Variants in MGST1 observed in about 807,000 individuals in gnomAD.
MGST1 encodes microsomal glutathione S-transferase 1.
In MGST1, 5 loss-of-function variants were observed where a neutral mutation model predicts 8.9. The ratio of observed to expected loss-of-function variants is 0.56; its 90% CI spans 0.29 to 1.19. The LOEUF (loss-of-function observed/expected upper bound fraction) is 1.19, where lower values mean the gene tolerates loss of function less well. Ranked by LOEUF, MGST1 falls within the 50% of genes most tolerant of loss-of-function variation. The pLI is 0.08. For missense variants in MGST1, 182 were observed against 187.4 expected (o/e 0.97, Z 0.17); for synonymous variants, 54 against 67.8 (o/e 0.80, Z 1.00).
chr12:16,435,317 C>T (rs970079426), intron 1 of MGST1, among the ~76,000 whole-genome samples: 1 of 151,738 alleles, frequency 6.6e-6, no homozygotes, highest in Admixed American at 6.6e-5. Context: ...CACAATTTTC[C>T]TAGATTTCTA....
chr12:16,399,698 A>G (rs1286049423), intron 1 of MGST1: 4 of 1,313,828 alleles, frequency 3.0e-6, no homozygotes, highest in African/African-American at 1.5e-5. Flanking sequence ...CCTCAGGGTC[A>G]TCAACAATGG....
In MGST1 at chr12:16,501,589, C is replaced by T. The variant is rs142879535; in HGVS notation, n.483-87939C>T. ...TTTGCTATTTCTGGAATGACTGCTA[C>T]GTACTCAATTATGAAACATCTCTAG... On this transcript the variant is annotated intron_variant and non_coding_transcript_variant, in intron 4 of 4. Coordinates refer to the MGST1 transcript ENST00000538857. 4.7e-3 allele frequency among the ~76,000 whole-genome samples: 723 copies of T among 152,262 alleles called. 6 individuals are homozygous for T. The highest frequency in any genetic ancestry group is 0.016 in the African/African-American group (682 of 41,558).
chr12:16,521,451 A>G (rs1350398393), intron 4 of MGST1, among the ~76,000 whole-genome samples: 1 of 152,166 alleles, frequency 6.6e-6, no homozygotes, highest in African/African-American at 2.4e-5. Context: ...TGCCAAAAAT[A>G]AGACCTTATT....
chr12:16,538,574 G>T (rs1426071554), intron 4 of MGST1, among the ~76,000 whole-genome samples: 1 of 151,556 alleles, frequency 6.6e-6, no homozygotes, highest in Non-Finnish European at 1.5e-5. Context: ...GGCTGGGGAG[G>T]CTTCAGAATC....
At chr12:16,459,188 C>T (rs1053672169) in intron 4 of MGST1, among the ~76,000 whole-genome samples, 1 of 152,100 alleles carries the variant, frequency 6.6e-6, no homozygotes, top group Non-Finnish European at 1.5e-5. Context: ...TTCCTTTCTA[C>T]TTCCTAATAG....
At chr12:16,526,156 C>T (rs1327350683) in intron 4 of MGST1, among the ~76,000 whole-genome samples, 1 of 149,862 alleles carries the variant, frequency 6.7e-6, no homozygotes, top group Non-Finnish European at 1.5e-5. Flanking sequence ...TAATTAGATC[C>T]CATTTGTCAA....
intron 4 of MGST1, among the ~76,000 whole-genome samples, chr12:16,498,377 C>G (rs1941483376): frequency 6.6e-6 from 1 of 152,120 alleles, no homozygotes; most frequent in Admixed American, 6.6e-5. Context: ...GCAGCACAGA[C>G]AGAAGAACAT....
At chr12:16,443,296 T>G (rs1941053037), downstream of MGST1, among the ~76,000 whole-genome samples, 1 of 151,862 alleles carries the variant, frequency 6.6e-6, no homozygotes, top group African/African-American at 2.4e-5. Context: ...TTAAAATATA[T>G]CTAAATCTTG....
intron 1 of MGST1, among the ~76,000 whole-genome samples, chr12:16,392,976 C>A (rs998020143): frequency 6.6e-6 from 1 of 152,072 alleles, no homozygotes; most frequent in African/African-American, 2.4e-5. Context: ...GAAATGCACT[C>A]CCAGCTCAAG....
chr12:16,456,408 C>T (rs987578510), intron 4 of MGST1, among the ~76,000 whole-genome samples: 20 of 151,846 alleles, frequency 1.3e-4, no homozygotes, highest in African/African-American at 4.1e-4. Flanking sequence ...TTTGAAAAAA[C>T]GTTTTAAATC....
chr12:16,364,214 G>A lies in MGST1; in HGVS notation c.*173G>A, dbSNP rs1243705271. On this transcript the variant is annotated 3_prime_UTR_variant, in exon 4 of 4. Transcript: ENST00000396210. This position sits in a 1 kb window ranked among gnomAD's most constrained non-coding sequence, Gnocchi z 5.7. ...TATCCTGTATTCTTGTTTTACATTT[G>A]GATTAGAAATTTAACATAGTAATTC... 1.6e-6 allele frequency: 2 copies of A among 1,275,820 alleles called. No homozygotes were observed. The highest frequency in any genetic ancestry group is 2.9e-5 in the East Asian group (1 of 34,806). The allele number at this position is 1,275,820 out of a possible 1,614,324, so 79.0% of individuals were successfully genotyped here. A position where few individuals can be genotyped will look rare whatever the true frequency, so the allele number is the denominator to read the frequency against.
intron 4 of MGST1, among the ~76,000 whole-genome samples, chr12:16,479,187 T>C (rs981583840): frequency 1.3e-5 from 2 of 150,700 alleles, no homozygotes; most frequent in African/African-American, 4.9e-5. Flanking sequence ...CTTGATAATA[T>C]TCCATTGTGT....
Position 16,547,699 on chromosome 12 carries a change from C to G in MGST1, n.483-41829C>G, listed in dbSNP as rs1941843144. Among the ~76,000 whole-genome samples the G allele has an allele frequency of 6.6e-6, 1 of 152,100 alleles. No homozygotes were observed. On this transcript the variant is annotated intron_variant and non_coding_transcript_variant, in intron 4 of 4. Coordinates refer to the MGST1 transcript ENST00000538857. This position sits in a 1 kb window ranked among gnomAD's most constrained non-coding sequence, Gnocchi z 4.6. Reference sequence around the variant, plus strand: ...ATTACCTTAAATTACATTAAAACCACATTTAAAAAATATAACAATGTTTTT... The same window carrying G: ...ATTACCTTAAATTACATTAAAACCAGATTTAAAAAATATAACAATGTTTTT...
intron 4 of MGST1, among the ~76,000 whole-genome samples, chr12:16,464,284 T>G (rs1684096648): frequency 6.6e-6 from 1 of 152,220 alleles, no homozygotes. Context: ...TATCTAATGC[T>G]GCAGACAGGC....
chr12:16,383,967 C>G (rs1940480915), intron 1 of MGST1, among the ~76,000 whole-genome samples: 1 of 151,800 alleles, frequency 6.6e-6, no homozygotes, highest in Non-Finnish European at 1.5e-5. Flanking sequence ...ACTTTATTAC[C>G]AAAGGGAAGA....
chr12:16,566,942 CAT>C lies in MGST1; in HGVS notation n.483-22575_483-22574del, dbSNP rs753206020. Among the ~76,000 whole-genome samples, 19 of 151,898 alleles carry C rather than the reference CAT, an allele frequency of 1.3e-4. 1 individual carries two copies. The highest frequency in any genetic ancestry group is 1.2e-3 in the Admixed American group (18 of 15,226). On this transcript the variant is annotated intron_variant and non_coding_transcript_variant, in intron 4 of 4. Transcript: ENST00000538857. ...CTACCAAAAGCCCATGCTACATAGT[CAT>C]ATATATATATGTTAAAAACTACAAC... is the stretch of plus-strand genomic sequence containing the variant.
intron 4 of MGST1, among the ~76,000 whole-genome samples, chr12:16,453,910 T>A (rs1245811323): frequency 6.6e-6 from 1 of 152,002 alleles, no homozygotes; most frequent in East Asian, 1.9e-4. Context: ...ACAAGCCATA[T>A]TTCCAAATAA....
chr12:16,572,233 C>T (rs1942837193), intron 4 of MGST1, among the ~76,000 whole-genome samples: 1 of 151,534 alleles, frequency 6.6e-6, no homozygotes, highest in African/African-American at 2.4e-5. Flanking sequence ...CGTAGTAAAG[C>T]TCTACAGAAG....
At chr12:16,371,060 C>A (rs1344901236) in intron 3 of MGST1, among the ~76,000 whole-genome samples, 1 of 152,096 alleles carries the variant, frequency 6.6e-6, no homozygotes, top group Non-Finnish European at 1.5e-5. Flanking sequence ...TGAATTACCT[C>A]CATTTAATAA....
Sources: gnomAD v4.1 joint callset for allele counts (sites outside exome capture counted in the v4.1 genomes callset) on GRCh38, gnomAD v4.1.1 for gene constraint, Gnocchi (gnomAD v3.1) non-coding constraint, MANE v1.5 for transcripts, NCBI Gene and HGNC (gene_info 2026-07-23, HGNC 2026-07-21) for gene names.